The following NOM1 variants were observed in gnomAD, a reference collection of about 807,000 sequenced individuals.
The protein encoded by NOM1 is nucleolar protein with MIF4G domain 1.
A neutral mutation model predicts 73.3 loss-of-function variants in NOM1; 58 were observed. That is an observed-to-expected ratio of 0.79 (90% CI 0.64 to 0.99). The LOEUF (loss-of-function observed/expected upper bound fraction) is 0.99. Among genes scored for constraint, NOM1 ranks in the 50% least tolerant of loss-of-function variants. NOM1 has a pLI of 0.00. For synonymous variants in NOM1, 487 were observed against 446.8 expected, an observed-to-expected ratio of 1.09 and a Z score of -1.14; for missense variants, 1,226 against 1,131.9, an observed-to-expected ratio of 1.08 and a Z score of -1.19.
Position 156,950,487 on chromosome 7 carries a change from C to T in NOM1, c.750C>T (p.Asp250=), listed in dbSNP as rs1459015182. The change falls in exon 1 of 11, where the codon GAC becomes GAT. Residue 250 remains aspartate, a synonymous_variant. Coordinates refer to ENST00000275820, the MANE Select transcript of NOM1 (RefSeq NM_138400.2). ...EDAGQTLPES[D]LESDSQDESE... is the part of the protein sequence containing the mutation. ...CCGGACAGACACTCCCCGAAAGTGA[C>T]TTAGAGAGTGACTCCCAGGACGAAA... is the stretch of plus-strand genomic sequence containing the variant. 1 of 1,613,780 alleles carries T rather than the reference C, an allele frequency of 6.2e-7. No homozygotes were observed. The highest frequency in any genetic ancestry group is 8.5e-7 in the Non-Finnish European group (1 of 1,179,878).
At position 156,959,904 on chromosome 7, in the gene NOM1, A is replaced by G; in HGVS notation, c.1362A>G (p.Lys454=). Residue 454 remains lysine (K), a synonymous_variant, in exon 4 of 11, where the codon AAA becomes AAG. Transcript: ENST00000275820. ...TGAGGAAGTTCGATGCCATCTATAA[A>G]TACGGAAGCGAAGGGAAAGAGTGTG... The part of the protein sequence containing the change: ...AVVRKFDAIY[K]YGSEGKECDN... 5 of 1,614,240 alleles carry G rather than the reference A, an allele frequency of 3.1e-6. No homozygotes were observed. The highest frequency in any genetic ancestry group is 4.2e-6 in the Non-Finnish European group (5 of 1,180,030).
At chr7:156,952,405 T>C (rs1484901037) in intron 1 of NOM1, 69 bp from the exon 2 acceptor site, 4 of 1,525,326 alleles carry the variant, frequency 2.6e-6, no homozygotes, top group South Asian at 1.2e-5. Context: ...TAAATACACA[T>C]ATGGCAAAGA....
chr7:156,950,298 A>C lies in NOM1; in HGVS notation c.561A>C (p.Arg187=). The change falls in exon 1 of 11, where the codon CGA becomes CGC. Residue 187 remains arginine, a synonymous_variant. Coordinates refer to ENST00000275820, the MANE Select transcript of NOM1 (RefSeq NM_138400.2). ...AANEEEDREI[R]KLERCLGLNK... is the part of the protein sequence containing the mutation. ...ACGAGGAGGAGGACCGAGAGATCCG[A>C]AAGCTGGAGCGTTGCCTCGGTTTGA... is the stretch of plus-strand genomic sequence containing the variant. 1 of 1,614,170 alleles carries C rather than the reference A, an allele frequency of 6.2e-7. No individual in the cohort carries two copies. Among genetic ancestry groups the C allele is most frequent in the Non-Finnish European group, 8.5e-7 (1 of 1,179,954 alleles).
chr7:156,969,875 G>C lies in NOM1; in HGVS notation c.*172G>C. On this transcript the variant is annotated 3_prime_UTR_variant, in exon 11 of 11. Transcript: ENST00000275820. ...TAAGGTTTTATTGTTTGTATTTCAAGCCATTTTCAAATAACTATCTTGGGG... is the reference window on the plus strand; with the variant it reads ...TAAGGTTTTATTGTTTGTATTTCAACCCATTTTCAAATAACTATCTTGGGG... The C allele has an allele frequency of 1.7e-6, 1 of 592,956 alleles. No individual in the cohort carries two copies. Among genetic ancestry groups the C allele is most frequent in the Non-Finnish European group, 2.6e-6 (1 of 379,600 alleles). 36.7% of individuals were successfully genotyped at this position (592,956 alleles called of 1,614,324 possible). A position where few individuals can be genotyped will look rare whatever the true frequency, so the allele number is the denominator to read the frequency against.
chr7:156,952,199 G>A (rs536830467), intron 1 of NOM1, among the ~76,000 whole-genome samples: 10 of 152,282 alleles, frequency 6.6e-5, no homozygotes, highest in African/African-American at 2.2e-4. Context: ...TACCAGAGGT[G>A]CACAGCTGGG....
intron 9 of NOM1, 166 bp from the exon 10 acceptor site, chr7:156,968,921 C>T: frequency 1.8e-6 from 1 of 567,914 alleles, no homozygotes; most frequent in Non-Finnish European, 3.2e-6. Flanking sequence ...GGCCCACATC[C>T]TTGCCAACAG....
At chr7:156,968,397 G>C (rs575799732) in intron 9 of NOM1, among the ~76,000 whole-genome samples, 1 of 152,012 alleles carries the variant, frequency 6.6e-6, no homozygotes, top group South Asian at 2.1e-4. Context: ...TTGTGGTCTC[G>C]CCGCGTCCTC....
In NOM1 at chr7:156,950,147, A is replaced by AC. The variant is rs1317557659; in HGVS notation, c.414dup (p.Ser139LeufsTer79). 2.1e-5 allele frequency: 33 copies of AC among 1,581,416 alleles called. No homozygotes were observed. Among genetic ancestry groups the AC allele is most frequent in the Non-Finnish European group, 2.8e-5 (33 of 1,167,586 alleles). ...CGCGCCCGCCCAGCCCCTAGTCGGGACCCCTCGCCTCCCAGGAAGCCGCGG... is the reference window on the plus strand; with the variant it reads ...CGCGCCCGCCCAGCCCCTAGTCGGGACCCCCTCGCCTCCCAGGAAGCCGCGG... On this transcript the variant is annotated frameshift_variant, in exon 1 of 11. Transcript: ENST00000275820. LOFTEE classifies it high-confidence loss of function.
rs1426371786 is a variant in NOM1, at chr7:156,973,079, G to A, written c.*3376G>A. ...GTTGAGAACTGCTAATGTATAGAAT[G>A]ACTAAACAGCTGTCTTTCAGGGTAT... On this transcript the variant is annotated 3_prime_UTR_variant, in exon 11 of 11. Coordinates refer to ENST00000275820, the MANE Select transcript of NOM1 (RefSeq NM_138400.2). 3 of 145,972 alleles carry A rather than the reference G, an allele frequency of 2.1e-5. No individual in the cohort carries two copies. Among genetic ancestry groups the A allele is most frequent in the Non-Finnish European group, 4.5e-5 (3 of 66,278 alleles). 9.0% of individuals were successfully genotyped at this position (145,972 alleles called of 1,614,324 possible).
chr7:156,969,622 C>T lies in NOM1; in HGVS notation c.2502C>T (p.Ser834=), dbSNP rs1414460428. The change falls in exon 11 of 11, where the codon AGC becomes AGT. Residue 834 remains serine, a synonymous_variant. Transcript: ENST00000275820. ...TAAAGAACGCACAGGCCCACAGAAG[C>T]GCCGACGAAGCCAACGTGCTGAGAG... The part of the protein sequence containing the change: ...FLLKNAQAHR[S]ADEANVLREK... 1.2e-5 allele frequency: 20 copies of T among 1,613,888 alleles called. No individual in the cohort carries two copies. The East Asian group carries it at 2.0e-4, about 16-fold the overall frequency.
chr7:156,966,632 T>C (rs1193657228), intron 8 of NOM1, among the ~76,000 whole-genome samples: 1 of 152,188 alleles, frequency 6.6e-6, no homozygotes, highest in East Asian at 1.9e-4. Context: ...CTGCCACAGA[T>C]GCAGGCAGTG....
chr7:156,950,700 G>T lies in NOM1; in HGVS notation c.963G>T (p.Ser321=). The T allele has an allele frequency of 1.2e-5, 18 of 1,551,584 alleles. No homozygotes were observed. Among genetic ancestry groups the T allele is most frequent in the Non-Finnish European group, 1.6e-5 (18 of 1,146,976 alleles). The change falls in exon 1 of 11, where the codon TCG becomes TCT. Residue 321 remains serine (S), a synonymous_variant. Transcript: ENST00000275820. ...ATGAAGAAAAGAGTGAAAATTCCTC[G>T]GAGGACGGTGACATAACGGATAAGG... The part of the protein sequence containing the change: ...AEDEEKSENS[S]EDGDITDKSL...
In NOM1 at chr7:156,963,131, G is replaced by A. The variant is rs115075018; in HGVS notation, c.1867G>A (p.Asp623Asn). 170 of 1,614,144 alleles carry A rather than the reference G, an allele frequency of 1.1e-4. No individual in the cohort carries two copies. The Middle Eastern group carries it at 1.6e-3, about 16-fold the overall frequency. ...GSAWSGAPMI[D>N]NSHHTHLQKQ... ...CGCCTGGAGTGGGGCCCCGATGATCGACAACAGTCACCATACGCACCTGCA... is the reference window on the plus strand; with the variant it reads ...CGCCTGGAGTGGGGCCCCGATGATCAACAACAGTCACCATACGCACCTGCA... Residue 623 changes from aspartate (D) to asparagine (N), a missense_variant, in exon 6 of 11, where the codon GAC becomes AAC. By Grantham distance (23) the Asp-to-Asn change is conservative. Coordinates refer to ENST00000275820, the MANE Select transcript of NOM1 (RefSeq NM_138400.2).
At chr7:156,956,435 C>T (rs1390659613) in intron 3 of NOM1, among the ~76,000 whole-genome samples, 2 of 152,172 alleles carry the variant, frequency 1.3e-5, no homozygotes, top group Non-Finnish European at 2.9e-5. Context: ...ACAATAAGCG[C>T]TCATTGAAGG....
rs144397206 is a variant in NOM1 at position 156,970,010 on chromosome 7, G to A, written c.*307G>A. The A allele has an allele frequency of 5.2e-3, 894 of 170,292 alleles. 10 individuals are homozygous for A. The highest frequency in any genetic ancestry group is 0.019 in the African/African-American group (819 of 42,166). The allele number at this position is 170,292 out of a possible 1,614,324, so 10.5% of individuals were successfully genotyped here. On this transcript the variant is annotated 3_prime_UTR_variant, in exon 11 of 11. Transcript: ENST00000275820. ...TTAAAATTTTTTAATAGATATGGCC[G>A]AGCGTGATGGCTCACCCCTGTAATC...
rs753992224 is a variant in NOM1, at chr7:156,962,152, T to C, written c.1634T>C (p.Ile545Thr). 2 of 1,613,100 alleles carry C rather than the reference T, an allele frequency of 1.2e-6. No homozygotes were observed. Among genetic ancestry groups the C allele is most frequent in the African/African-American group, 2.7e-5 (2 of 74,888 alleles). The change falls in exon 5 of 11, where the codon ATT becomes ACT. Residue 545 changes from isoleucine to threonine, a missense_variant and splice_region_variant. Ile to Thr is a moderately conservative substitution (Grantham distance 89, BLOSUM62 -1). Transcript: ENST00000275820. ...TCCATTTTTTCATTTTTCTTGAAGA[T>C]TCGGTTTATGCTAGAGACGATGTTG... ...AGSEFQDQTR[I>T]RFMLETMLAL...
intron 3 of NOM1, among the ~76,000 whole-genome samples, chr7:156,955,167 ATTC>A (rs1804690726): frequency 1.3e-5 from 2 of 152,262 alleles, no homozygotes; most frequent in South Asian, 2.1e-4. Context: ...TCCCTTTCGT[ATTC>A]TTCTTGCTCC....
At position 156,962,073 on chromosome 7, in the gene NOM1, T is replaced by C. The variant is rs189006508; in HGVS notation, c.1633-78T>C. 1,061 of 1,159,854 alleles carry C rather than the reference T, an allele frequency of 9.1e-4. 2 individuals carry two copies. The highest frequency in any genetic ancestry group is 1.1e-3 in the Non-Finnish European group (878 of 770,794). The allele number at this position is 1,159,854 out of a possible 1,614,324, so 71.8% of individuals were successfully genotyped here. On this transcript the variant is annotated intron_variant, in intron 4 of 10. Transcript: ENST00000275820. ...TGGCGGCCATGTGCATCAGGTGTGGTAGATTTCTTGCCAACTTGAATGGGC... is the reference window on the plus strand; with the variant it reads ...TGGCGGCCATGTGCATCAGGTGTGGCAGATTTCTTGCCAACTTGAATGGGC...
chr7:156,957,581 C>G (rs1371934863), intron 3 of NOM1, among the ~76,000 whole-genome samples: 1 of 151,970 alleles, frequency 6.6e-6, no homozygotes, highest in African/African-American at 2.4e-5. Flanking sequence ...TGAGACCATC[C>G]TGGCTAACAT....
Sources: gnomAD v4.1 joint callset for allele counts (sites outside exome capture counted in the v4.1 genomes callset) on GRCh38, gnomAD v4.1.1 for gene constraint, MANE v1.5 for transcripts, NCBI Gene and HGNC (gene_info 2026-07-23, HGNC 2026-07-21) for gene names.